CLVS1: variants seen among roughly 807,000 people sequenced by gnomAD.
CLVS1 encodes clavesin 1.
A neutral mutation model predicts 33.1 loss-of-function variants in CLVS1; 10 were observed. The observed-to-expected ratio is 0.30, with a 90% CI of 0.19 to 0.51. The LOEUF is 0.51. Ranked by LOEUF, CLVS1 falls within the 20% of genes least tolerant of loss-of-function variation. CLVS1 has a pLI of 0.97. For synonymous variants in CLVS1, 163 were observed against 166.1 expected, an observed-to-expected ratio of 0.98 and a Z score of 0.14; for missense variants, 343 against 433.4, an observed-to-expected ratio of 0.79 and a Z score of 1.85.
At chr8:60,976,340 A>G in the CLVS1 span, among the ~76,000 whole-genome samples, 7 of 151,160 alleles carry the variant, frequency 4.6e-5, no homozygotes, top group Admixed American at 4.0e-4. Context: ...TACTTTCTCT[A>G]TCTTGTTTCT....
At chr8:61,119,535 G>A (rs1182988603) in intron 1 of CLVS1, among the ~76,000 whole-genome samples, 6 of 148,518 alleles carry the variant, frequency 4.0e-5, no homozygotes, top group Admixed American at 2.0e-4. Flanking sequence ...CATGTTTAGC[G>A]CTTCCTTCAG....
Position 61,370,980 on chromosome 8 carries a change from C to T in CLVS1, c.456-5625C>T, listed in dbSNP as rs554751131. 3.3e-5 allele frequency among the ~76,000 whole-genome samples: 5 copies of T among 152,268 alleles called. No individual in the cohort carries two copies. In the East Asian group the frequency reaches 9.6e-4, roughly 29 times the overall value. ...AACATGCATGAGCAAGTGTCTTTTT[C>T]TTATAATGACTTCTTTTCCTCTGAG... is the stretch of plus-strand genomic sequence containing the variant. On this transcript the variant is annotated intron_variant, in intron 2 of 5. Coordinates refer to ENST00000325897, the MANE Select transcript of CLVS1 (RefSeq NM_173519.3).
Position 61,500,942 on chromosome 8 carries a change from C to T in CLVS1, c.*1400C>T, listed in dbSNP as rs1254929281. ...TATTACTAATCTTAATTATTTATTA[C>T]ATCATCTCTTTCTCAATGGATCTAA... On this transcript the variant is annotated 3_prime_UTR_variant, in exon 6 of 6. Coordinates refer to ENST00000325897, the MANE Select transcript of CLVS1 (RefSeq NM_173519.3). The T allele has an allele frequency of 2.0e-5, 3 of 152,068 alleles. No homozygotes were observed. The highest frequency in any genetic ancestry group is 2.0e-4 in the Admixed American group (3 of 15,268). The allele number at this position is 152,068 out of a possible 1,614,324, so 9.4% of individuals were successfully genotyped here.
the CLVS1 span, among the ~76,000 whole-genome samples, chr8:61,035,428 C>G: frequency 6.6e-6 from 1 of 152,090 alleles, no homozygotes; most frequent in East Asian, 1.9e-4. Context: ...GATTTTGCAG[C>G]CTCAAAGGCC....
intron 2 of CLVS1, among the ~76,000 whole-genome samples, chr8:61,215,456 G>A (rs1397037133): frequency 6.6e-6 from 1 of 152,118 alleles, no homozygotes; most frequent in African/African-American, 2.4e-5. Context: ...AATTCAAGCT[G>A]CTTATTATAT....
chr8:61,310,103 C>A (rs539683744), intron 2 of CLVS1, among the ~76,000 whole-genome samples: 19 of 152,230 alleles, frequency 1.2e-4, no homozygotes, highest in Admixed American at 8.5e-4. Flanking sequence ...GTAACCCTGC[C>A]CCCAAAGCCT....
chr8:61,036,715 G>A, the CLVS1 span, among the ~76,000 whole-genome samples: 1 of 152,204 alleles, frequency 6.6e-6, no homozygotes, highest in African/African-American at 2.4e-5. Flanking sequence ...ATCCCTCTAT[G>A]TCTCAATTAT....
At chr8:61,019,085 C>A in the CLVS1 span, among the ~76,000 whole-genome samples, 53 of 152,216 alleles carry the variant, frequency 3.5e-4, 2 homozygotes, top group Admixed American at 1.6e-3. Flanking sequence ...CATAACTAGG[C>A]TCCTTCTAGC....
chr8:61,326,771 G>A (rs1163627678), intron 2 of CLVS1, among the ~76,000 whole-genome samples: 1 of 152,128 alleles, frequency 6.6e-6, no homozygotes, highest in African/African-American at 2.4e-5. Flanking sequence ...TTATTGAAGT[G>A]AAGGAGAACA....
At chr8:61,355,251 CT>C (rs1291805043) in intron 2 of CLVS1, among the ~76,000 whole-genome samples, 3 of 151,890 alleles carry the variant, frequency 2.0e-5, no homozygotes, top group East Asian at 1.9e-4. Flanking sequence ...TCCAACCAAG[CT>C]TGTGTACCTC....
chr8:61,496,259 T>C (rs1804260957), intron 5 of CLVS1, among the ~76,000 whole-genome samples: 1 of 152,152 alleles, frequency 6.6e-6, no homozygotes, highest in Non-Finnish European at 1.5e-5. Context: ...AAATGGAGTT[T>C]AAGGTCTGTA....
At chr8:61,093,935 T>C (rs1301677748) in intron 1 of CLVS1, among the ~76,000 whole-genome samples, 2 of 152,262 alleles carry the variant, frequency 1.3e-5, no homozygotes, top group Non-Finnish European at 1.5e-5. Flanking sequence ...AGCAGAGGTC[T>C]GAATTTAAAA....
chr8:61,254,887 G>C (rs1198905572), intron 2 of CLVS1, among the ~76,000 whole-genome samples: 1 of 152,168 alleles, frequency 6.6e-6, no homozygotes, highest in East Asian at 1.9e-4. Context: ...TGATGCCTCA[G>C]CCTCCTTTGG....
chr8:61,421,267 G>A (rs1257759525), intron 3 of CLVS1, among the ~76,000 whole-genome samples: 1 of 152,176 alleles, frequency 6.6e-6, no homozygotes, highest in Admixed American at 6.5e-5. Context: ...ACCACCACAA[G>A]CATCACTCAG....
At chr8:61,449,659 T>A (rs940238650) in intron 3 of CLVS1, among the ~76,000 whole-genome samples, 3 of 152,180 alleles carry the variant, frequency 2.0e-5, no homozygotes, top group East Asian at 1.9e-4. Context: ...GCCTTTTTTT[T>A]AGTTGCTTTT....
intron 1 of CLVS1, among the ~76,000 whole-genome samples, chr8:61,291,842 A>C (rs561443148): frequency 2.0e-5 from 3 of 152,288 alleles, no homozygotes; most frequent in Non-Finnish European, 4.4e-5. Context: ...GGGTACTTTT[A>C]TGTTCCTCCT....
intron 2 of CLVS1, among the ~76,000 whole-genome samples, chr8:61,232,041 T>TTTTTTTTTTTGTTTTG (rs1554548394): frequency 3.4e-5 from 4 of 116,018 alleles, no homozygotes; most frequent in African/African-American, 1.9e-4. Context: ...TTTTTTTTTT[T>TTTTTTTTTTTGTTTTG]TTTTTTTTTG....
chr8:61,380,811 G>T (rs1408149553), intron 3 of CLVS1, among the ~76,000 whole-genome samples: 2 of 151,986 alleles, frequency 1.3e-5, no homozygotes, highest in African/African-American at 4.8e-5. Context: ...ATCAATTTTT[G>T]GAATTATTTT....
intron 1 of CLVS1, among the ~76,000 whole-genome samples, chr8:61,298,058 A>T (rs10957189): frequency 0.27 from 40,370 of 152,092 alleles, 7,890 homozygotes; most frequent in East Asian, 0.84. Context: ...AATAAGTTAA[A>T]TCATCATCCG....
Sources: gnomAD v4.1 joint callset for allele counts (sites outside exome capture counted in the v4.1 genomes callset) on GRCh38, gnomAD v4.1.1 for gene constraint, MANE v1.5 for transcripts, NCBI Gene and HGNC (gene_info 2026-07-23, HGNC 2026-07-21) for gene names.